Variants in CCDC102B observed in about 807,000 individuals in gnomAD.
CCDC102B encodes the protein coiled-coil domain-containing protein 102B.
A neutral mutation model predicts 57.4 loss-of-function variants in CCDC102B; 75 were observed. The observed-to-expected ratio is 1.31, with a 90% confidence interval of 1.08 to 1.58. The LOEUF is 1.58. CCDC102B is among the 40% of genes most tolerant of loss of function. The pLI, the probability that CCDC102B is intolerant of heterozygous loss-of-function variation, is 0.00. For synonymous variants in CCDC102B, 206 were observed against 201.9 expected, an observed-to-expected ratio of 1.02 and a Z score of -0.17; for missense variants, 636 against 582.6, an observed-to-expected ratio of 1.09 and a Z score of -0.94.
In CCDC102B at chr18:68,846,464, TTTTC is replaced by T. The variant is rs1315670385; in HGVS notation, c.936+51_936+54del. 2.3e-6 allele frequency: 3 copies of T among 1,289,324 alleles called. No homozygotes were observed. The African/African-American group carries it at 4.6e-5, about 20-fold the overall frequency. The allele number at this position is 1,289,324 out of a possible 1,614,324, so 79.9% of individuals were successfully genotyped here. A position where few individuals can be genotyped will look rare whatever the true frequency, so the allele number is the denominator to read the frequency against. On this transcript the variant is annotated intron_variant, in intron 4 of 7. Transcript: ENST00000360242. Reference sequence around the variant, plus strand: ...GTAAAGGAAGAAATGAAGCCTAGCTTTTTCTTTCTTTGGATATGTAAGCATGTGG... The same window carrying T: ...GTAAAGGAAGAAATGAAGCCTAGCTTTTTCTTTGGATATGTAAGCATGTGG...
chr18:68,801,513 A>G (rs2035851874), intron 1 of CCDC102B, among the ~76,000 whole-genome samples: 1 of 152,014 alleles, frequency 6.6e-6, no homozygotes, highest in South Asian at 2.1e-4. Flanking sequence ...TGATGTTAAA[A>G]TTTTGATAGA....
chr18:68,732,972 A>T (rs1410251324), intron 2 of CCDC102B, among the ~76,000 whole-genome samples: 1 of 151,610 alleles, frequency 6.6e-6, no homozygotes, highest in African/African-American at 2.4e-5. Flanking sequence ...CATCCAATGT[A>T]TAAGGAGAAC....
intron 3 of CCDC102B, among the ~76,000 whole-genome samples, chr18:68,841,029 G>A (rs956589401): frequency 2.6e-5 from 4 of 152,178 alleles, no homozygotes; most frequent in Non-Finnish European, 4.4e-5. Context: ...CGGACGTGAT[G>A]AGTCATGGTT....
At chr18:68,726,460 G>A (rs552607421) in intron 2 of CCDC102B, among the ~76,000 whole-genome samples, 15 of 152,312 alleles carry the variant, frequency 9.8e-5, no homozygotes, top group African/African-American at 2.6e-4. Context: ...GCTGATGGAC[G>A]ATGGAGACTA....
intron 4 of CCDC102B, among the ~76,000 whole-genome samples, chr18:68,862,880 AT>A (rs1311232166): frequency 1.3e-5 from 2 of 152,182 alleles, no homozygotes; most frequent in South Asian, 2.1e-4. Flanking sequence ...TAATTTAATC[AT>A]TTTAATCTCA....
At chr18:68,874,580 C>A in intron 4 of CCDC102B, 89 bp from the exon 5 acceptor site, 1 of 765,004 alleles carries the variant, frequency 1.3e-6, no homozygotes, top group Non-Finnish European at 2.2e-6. Context: ...GGCAAAACAA[C>A]ACTAAAGCTA....
At position 69,054,543 on chromosome 18, in the gene CCDC102B, A is replaced by G. The variant is rs1474286260; in HGVS notation, c.*406A>G. On this transcript the variant is annotated 3_prime_UTR_variant, in exon 8 of 8. Transcript: ENST00000360242. ...GTACTGGTTTGTTTAAATAATTGGT[A>G]AACTTTTATGTACGTGTTGTCTATG... 1.0e-6 allele frequency: 1 copy of G among 990,390 alleles called. No homozygotes were observed. The highest frequency in any genetic ancestry group is 1.1e-4 in the East Asian group (1 of 8,874). 61.4% of individuals were successfully genotyped at this position (990,390 alleles called of 1,614,324 possible).
At chr18:68,885,967 T>C (rs1429254476) in intron 5 of CCDC102B, among the ~76,000 whole-genome samples, 1 of 151,972 alleles carries the variant, frequency 6.6e-6, no homozygotes, top group Non-Finnish European at 1.5e-5. Context: ...CAAGAAACTA[T>C]GAGGCACTTC....
chr18:69,041,021 T>C (rs766859301), intron 7 of CCDC102B, among the ~76,000 whole-genome samples: 2 of 151,852 alleles, frequency 1.3e-5, no homozygotes, highest in Non-Finnish European at 2.9e-5. Context: ...AGGAGAGAAG[T>C]AGGCTAGAGT....
intron 6 of CCDC102B, among the ~76,000 whole-genome samples, chr18:68,906,808 G>T (rs11660484): frequency 3.4e-5 from 5 of 148,842 alleles, no homozygotes; most frequent in African/African-American, 1.2e-4. Context: ...TTTGATACAC[G>T]CAGTTTTACA....
chr18:68,944,947 T>A (rs2049490813), intron 6 of CCDC102B, among the ~76,000 whole-genome samples: 1 of 152,050 alleles, frequency 6.6e-6, no homozygotes, highest in African/African-American at 2.4e-5. Flanking sequence ...GTGATTCCAG[T>A]TTCACCAAAT....
intron 6 of CCDC102B, among the ~76,000 whole-genome samples, chr18:68,995,762 C>T (rs1039713926): frequency 7.2e-5 from 11 of 152,156 alleles, no homozygotes; most frequent in African/African-American, 2.7e-4. Context: ...CACAGAGTCC[C>T]GACTGGGAAA....
At chr18:68,915,150 C>T (rs1036378504) in intron 6 of CCDC102B, among the ~76,000 whole-genome samples, 6 of 152,110 alleles carry the variant, frequency 3.9e-5, no homozygotes, top group Non-Finnish European at 2.9e-5. Context: ...AGTATATTTT[C>T]CCATCTGCTG....
chr18:69,034,966 T>A (rs1197184924), intron 7 of CCDC102B, among the ~76,000 whole-genome samples: 1 of 151,898 alleles, frequency 6.6e-6, no homozygotes, highest in Non-Finnish European at 1.5e-5. Context: ...ACCCTTAAAA[T>A]GGAAATCTCT....
At chr18:68,906,340 G>A (rs1334721953) in intron 6 of CCDC102B, among the ~76,000 whole-genome samples, 1 of 152,112 alleles carries the variant, frequency 6.6e-6, no homozygotes, top group African/African-American at 2.4e-5. Flanking sequence ...TATATATCTA[G>A]GTGTAGAGTT....
At chr18:68,772,550 C>A (rs2144616150) in intron 2 of CCDC102B, among the ~76,000 whole-genome samples, 1 of 152,218 alleles carries the variant, frequency 6.6e-6, no homozygotes, top group Non-Finnish European at 1.5e-5. Flanking sequence ...TGGGCAAAAT[C>A]TGGACTCTTA....
intron 7 of CCDC102B, among the ~76,000 whole-genome samples, chr18:69,037,119 T>G (rs2052317077): frequency 6.6e-6 from 1 of 151,964 alleles, no homozygotes; most frequent in South Asian, 2.1e-4. Context: ...ATGAGCTTCA[T>G]TCAGGGAATT....
intron 6 of CCDC102B, among the ~76,000 whole-genome samples, chr18:68,996,000 T>A (rs1190382784): frequency 6.6e-6 from 1 of 152,092 alleles, no homozygotes; most frequent in Non-Finnish European, 1.5e-5. Flanking sequence ...AGACATAGAG[T>A]CAAAGTTGAT....
intron 4 of CCDC102B, among the ~76,000 whole-genome samples, chr18:68,867,787 A>C (rs2039062332): frequency 2.6e-5 from 1 of 38,318 alleles, no homozygotes; most frequent in Non-Finnish European, 5.1e-5. Flanking sequence ...ACAAAAAATT[A>C]GTCAGGAGTG....
Sources: allele counts gnomAD v4.1 joint callset (sites outside exome capture counted in the v4.1 genomes callset), GRCh38; gene constraint gnomAD v4.1.1; transcripts MANE v1.5; gene names NCBI Gene and HGNC (gene_info 2026-07-23, HGNC 2026-07-21).